The following SH3GL2 variants were observed in gnomAD, a reference collection of about 807,000 sequenced individuals.
The protein encoded by SH3GL2 is endophilin-A1.
Under a neutral mutation model 46.0 loss-of-function variants are expected in SH3GL2, and 24 were observed. That is an observed-to-expected ratio of 0.52 (90% CI 0.38 to 0.73). SH3GL2 has a LOEUF of 0.73. SH3GL2 is among the 30% of genes least tolerant of loss of function. The probability of loss-of-function intolerance (pLI) is 0.00; values close to 1 mark genes in which losing one functional copy is unlikely to be tolerated. For synonymous variants in SH3GL2, 196 were observed against 147.1 expected, an observed-to-expected ratio of 1.33 and a Z score of -2.40; for missense variants, 413 against 424.2, an observed-to-expected ratio of 0.97 and a Z score of 0.23.
At chr9:17,671,860 G>T (rs1327487527) in intron 1 of SH3GL2, among the ~76,000 whole-genome samples, 1 of 152,172 alleles carries the variant, frequency 6.6e-6, no homozygotes, top group Non-Finnish European at 1.5e-5. Flanking sequence ...ATTTCCTTGA[G>T]ATAAGGACTT....
chr9:17,583,953 T>C (rs574939950), intron 1 of SH3GL2, among the ~76,000 whole-genome samples: 1 of 152,346 alleles, frequency 6.6e-6, no homozygotes, highest in South Asian at 2.1e-4. Flanking sequence ...TTTCAGTTTC[T>C]TAATTGCCTC....
At chr9:17,747,950 A>T (rs1380579583) in intron 2 of SH3GL2, among the ~76,000 whole-genome samples, 7 of 152,166 alleles carry the variant, frequency 4.6e-5, no homozygotes, top group African/African-American at 1.7e-4. Flanking sequence ...CTGAGGTTCC[A>T]GGCATGAACC....
chr9:17,787,364 CT>C lies in SH3GL2; in HGVS notation c.332-13del, dbSNP rs767433578. The C allele has an allele frequency of 6.2e-7, 1 of 1,606,616 alleles. No individual in the cohort carries two copies. Among genetic ancestry groups the C allele is most frequent in the Non-Finnish European group, 8.5e-7 (1 of 1,176,642 alleles). On this transcript the variant is annotated splice_polypyrimidine_tract_variant and intron_variant, in intron 4 of 8. Coordinates refer to ENST00000380607, the MANE Select transcript of SH3GL2 (RefSeq NM_003026.5). ...ATCTTTATTCTGTAACATGAAAGAG[CT>C]TTATTCTCTCCTAGGCCCAGCACTT... is the stretch of plus-strand genomic sequence containing the variant.
intron 8 of SH3GL2, 94 bp downstream of exon 8, chr9:17,793,591 T>C (rs1394244042): frequency 2.6e-5 from 32 of 1,209,186 alleles, no homozygotes; most frequent in Non-Finnish European, 3.8e-5. Context: ...TCTGGCTGCA[T>C]AGGAAATATG....
chr9:17,595,580 A>G (rs180773315), intron 1 of SH3GL2, among the ~76,000 whole-genome samples: 2 of 152,358 alleles, frequency 1.3e-5, no homozygotes, highest in East Asian at 3.9e-4. Context: ...ATAAGTATGT[A>G]CAACTTAGGT....
chr9:17,760,262 C>T (rs9407838), intron 2 of SH3GL2, among the ~76,000 whole-genome samples: 17,272 of 152,026 alleles, frequency 0.11, 1,078 homozygotes, highest in Non-Finnish European at 0.12. Flanking sequence ...AATTTGTTTT[C>T]CTCTGTTGAT....
chr9:17,580,773 G>C (rs536035106), intron 1 of SH3GL2, among the ~76,000 whole-genome samples: 1 of 152,152 alleles, frequency 6.6e-6, no homozygotes, highest in Non-Finnish European at 1.5e-5. Context: ...GGACTTCTTC[G>C]ATATTACTAA....
intron 1 of SH3GL2, among the ~76,000 whole-genome samples, chr9:17,677,007 G>A (rs1421153232): frequency 6.6e-6 from 1 of 152,092 alleles, no homozygotes; most frequent in South Asian, 2.1e-4. Context: ...GCAGAACTAG[G>A]TCTGCTCAGA....
chr9:17,628,978 A>C (rs1376853885), intron 1 of SH3GL2, among the ~76,000 whole-genome samples: 2 of 144,840 alleles, frequency 1.4e-5, no homozygotes, highest in Admixed American at 1.3e-4. Context: ...AAATTAAATT[A>C]CCTTTTTTTT....
intron 3 of SH3GL2, among the ~76,000 whole-genome samples, chr9:17,767,521 C>G (rs1006786325): frequency 1.3e-5 from 2 of 152,202 alleles, no homozygotes; most frequent in Non-Finnish European, 2.9e-5. Flanking sequence ...AATCCTTGGT[C>G]TCACAACACA....
At chr9:17,673,460 G>T (rs987859103) in intron 1 of SH3GL2, among the ~76,000 whole-genome samples, 8 of 151,306 alleles carry the variant, frequency 5.3e-5, no homozygotes, top group Non-Finnish European at 7.4e-5. Flanking sequence ...CTTTGATCTT[G>T]ACTCATCTCC....
At position 17,793,321 on chromosome 9, in the gene SH3GL2, C is replaced by T. The variant is rs372385552; in HGVS notation, c.729-46C>T. On this transcript the variant is annotated intron_variant, in intron 7 of 8. Transcript: ENST00000380607. The stretch of plus-strand genomic sequence containing the variant: ...TTTATATTTGCTTTTCATTTTACTT[C>T]TTAACTGGTTACATAACCTTTCCAC... 2.6e-6 allele frequency: 4 copies of T among 1,553,384 alleles called. No individual in the cohort carries two copies. The South Asian group carries it at 3.5e-5, about 13-fold the overall frequency.
rs185439292 is a variant in SH3GL2 at position 17,718,061 on chromosome 9, A to T, written c.46-29005A>T. Among the ~76,000 whole-genome samples, 217 of 152,240 alleles carry T rather than the reference A, an allele frequency of 1.4e-3. 3 individuals are homozygous for T. The highest frequency in any genetic ancestry group is 3.4e-3 in the Middle Eastern group (1 of 294). On this transcript the variant is annotated intron_variant, in intron 1 of 8. Transcript: ENST00000380607. ...CTTGTACCCAGTGAATTCTCACATG[A>T]ATTCAAATCTTGTAAGCTAGGAATA...
Position 17,741,780 on chromosome 9 carries a change from T to G in SH3GL2, c.46-5286T>G, listed in dbSNP as rs540263589. ...TTCCATTAACAGCTTACAATTCATA[T>G]GAGCAAATATGCTTAGCAGTTTTAC... On this transcript the variant is annotated intron_variant, in intron 1 of 8. Coordinates refer to ENST00000380607, the MANE Select transcript of SH3GL2 (RefSeq NM_003026.5). Among the ~76,000 whole-genome samples, 17 of 152,350 alleles carry G rather than the reference T, an allele frequency of 1.1e-4. No homozygotes were observed. In the South Asian group the frequency reaches 1.7e-3, roughly 15 times the overall value.
At chr9:17,618,853 A>G (rs2134596550) in intron 1 of SH3GL2, among the ~76,000 whole-genome samples, 1 of 151,884 alleles carries the variant, frequency 6.6e-6, no homozygotes. Context: ...AAGAAAGGAG[A>G]GAGGAGAGCA....
intron 1 of SH3GL2, among the ~76,000 whole-genome samples, chr9:17,628,414 GTGTGTGTGT>G (rs1563788938): frequency 0.02 from 715 of 35,132 alleles, 9 homozygotes; most frequent in East Asian, 0.2. Context: ...TATCTTGGGT[GTGTGTGTGT>G]GTGTGTGTGT....
Position 17,789,561 on chromosome 9 carries a change from C to T in SH3GL2, c.624+11C>T, listed in dbSNP as rs1824062138. The T allele has an allele frequency of 1.9e-6, 3 of 1,612,758 alleles. No homozygotes were observed. Among genetic ancestry groups the T allele is most frequent in the African/African-American group, 2.7e-5 (2 of 74,934 alleles). On this transcript the variant is annotated intron_variant, in intron 6 of 8. Transcript: ENST00000380607. ...CTCTTGGAGATGGATGTAAGTGACT[C>T]CTGTGGTTTTCAATTTAATCTTATC... is the stretch of plus-strand genomic sequence containing the variant.
At chr9:17,588,168 C>A (rs75237134) in intron 1 of SH3GL2, among the ~76,000 whole-genome samples, 2 of 152,180 alleles carry the variant, frequency 1.3e-5, no homozygotes, top group East Asian at 3.9e-4. Context: ...ATCGGTTCTG[C>A]CATCTGTAAC....
At chr9:17,619,689 A>G (rs907861314) in intron 1 of SH3GL2, among the ~76,000 whole-genome samples, 1 of 148,910 alleles carries the variant, frequency 6.7e-6, no homozygotes, top group Non-Finnish European at 1.5e-5. Context: ...AAAAAAAAAT[A>G]AAATAAAATA....
Sources: gnomAD v4.1 joint callset for allele counts (sites outside exome capture counted in the v4.1 genomes callset) on GRCh38, gnomAD v4.1.1 for gene constraint, MANE v1.5 for transcripts, NCBI Gene and HGNC (gene_info 2026-07-23, HGNC 2026-07-21) for gene names.